MVB12B: variants seen among roughly 807,000 people sequenced by gnomAD.
MVB12B encodes ESCRT-I complex subunit MVB12B.
MVB12B carries 16 observed loss-of-function variants against 41.6 expected under a neutral mutation model. That is an observed-to-expected ratio of 0.38 (90% confidence interval 0.26 to 0.58). The LOEUF (loss-of-function observed/expected upper bound fraction) is 0.58, where lower values mean the gene tolerates loss of function less well. Ranked by LOEUF, MVB12B falls within the 20% of genes least tolerant of loss-of-function variation. The pLI is 0.62. For missense variants in MVB12B, 274 were observed against 380.2 expected, an observed-to-expected ratio of 0.72 and a Z score of 2.32; for synonymous variants, 133 against 139.7, an observed-to-expected ratio of 0.95 and a Z score of 0.34.
intron 9 of MVB12B, among the ~76,000 whole-genome samples, chr9:126,499,171 G>A (rs962665664): frequency 6.6e-6 from 1 of 152,176 alleles, no homozygotes; most frequent in Non-Finnish European, 1.5e-5. Context: ...ACCTCACTAT[G>A]AGAAAAGGCT....
At chr9:126,355,526 G>C (rs1829858373) in intron 2 of MVB12B, among the ~76,000 whole-genome samples, 1 of 152,096 alleles carries the variant, frequency 6.6e-6, no homozygotes, top group Non-Finnish European at 1.5e-5. Flanking sequence ...GCATTATGAG[G>C]GCGTTGCAAC....
rs770498895 is a variant in MVB12B, at chr9:126,329,500, C to G, written c.81+2490C>G. On this transcript the variant is annotated intron_variant, in intron 1 of 9. Coordinates refer to ENST00000361171, the MANE Select transcript of MVB12B (RefSeq NM_033446.3). ...TTGTACATGTTACAGAACCACGCCACCATGTGAGCACACTGCTGGATGCCC... is the reference window on the plus strand; with the variant it reads ...TTGTACATGTTACAGAACCACGCCAGCATGTGAGCACACTGCTGGATGCCC... 1.3e-5 allele frequency among the ~76,000 whole-genome samples: 2 copies of G among 152,204 alleles called. 1 individual carries two copies. Among genetic ancestry groups the G allele is most frequent in the Middle Eastern group, 6.3e-3 (2 of 316 alleles).
intron 7 of MVB12B, among the ~76,000 whole-genome samples, chr9:126,467,144 T>C (rs879871236): frequency 7.2e-5 from 11 of 152,190 alleles, no homozygotes; most frequent in Non-Finnish European, 1.3e-4. Flanking sequence ...GGAAATCAGA[T>C]TTGATTGAAG....
At chr9:126,477,298 C>T (rs777425076) in intron 7 of MVB12B, among the ~76,000 whole-genome samples, 1 of 152,178 alleles carries the variant, frequency 6.6e-6, no homozygotes, top group African/African-American at 2.4e-5. Context: ...CACCAGGTCT[C>T]GATCTCCAAC....
intron 9 of MVB12B, among the ~76,000 whole-genome samples, chr9:126,502,439 AGTGAGCCAGGGTCGGTTAG>A (rs1316052221): frequency 3.9e-5 from 6 of 152,178 alleles, no homozygotes; most frequent in African/African-American, 1.4e-4. Flanking sequence ...AACGCGATTT[AGTGAGCCAGGGTCGGTTAG>A]GTGAGCTGGG....
intron 6 of MVB12B, 26 bp from the exon 7 acceptor site, chr9:126,421,828 C>G (rs750690710): frequency 6.4e-7 from 1 of 1,574,800 alleles, no homozygotes. Flanking sequence ...TTGTAATCTC[C>G]TTTCTCTCGT....
chr9:126,380,938 G>A lies in MVB12B; in HGVS notation c.205-126G>A, dbSNP rs887249052. The A allele has an allele frequency of 5.9e-5, 39 of 659,448 alleles. 2 individuals are homozygous for A. Among genetic ancestry groups the A allele is most frequent in the Middle Eastern group, 7.5e-4 (2 of 2,670 alleles). 40.8% of individuals were successfully genotyped at this position (659,448 alleles called of 1,614,324 possible). A position where few individuals can be genotyped will look rare whatever the true frequency, so the allele number is the denominator to read the frequency against. ...CTCATCCCAGTGCCTAGTGAAATGA[G>A]CTAATGAGATGCCGGGAGATCCCAA... is the stretch of plus-strand genomic sequence containing the variant. On this transcript the variant is annotated intron_variant, in intron 2 of 9. Coordinates refer to ENST00000361171, the MANE Select transcript of MVB12B (RefSeq NM_033446.3).
chr9:126,386,797 C>A lies in MVB12B; in HGVS notation c.409+139C>A. 1 of 639,190 alleles carries A rather than the reference C, an allele frequency of 1.6e-6. No homozygotes were observed. The highest frequency in any genetic ancestry group is 1.8e-5 in the African/African-American group (1 of 55,116). The allele number at this position is 639,190 out of a possible 1,614,324, so 39.6% of individuals were successfully genotyped here. ...ACATGCCCATGAACAAACCCTGCTG[C>A]TTTTGATGTGTGTCTGGCTGGGTTC... is the stretch of plus-strand genomic sequence containing the variant. On this transcript the variant is annotated intron_variant, in intron 4 of 9. Transcript: ENST00000361171. This position sits in a 1 kb window ranked among gnomAD's most constrained non-coding sequence, Gnocchi z 4.3.
At chr9:126,471,904 A>G (rs1833321839) in intron 7 of MVB12B, among the ~76,000 whole-genome samples, 2 of 152,176 alleles carry the variant, frequency 1.3e-5, no homozygotes, top group South Asian at 4.1e-4. Flanking sequence ...AGGTACTATT[A>G]CCCGAGTTCA....
At chr9:126,433,001 G>T (rs1434708335) in intron 7 of MVB12B, among the ~76,000 whole-genome samples, 1 of 152,110 alleles carries the variant, frequency 6.6e-6, no homozygotes, top group Non-Finnish European at 1.5e-5. Flanking sequence ...GGCAATGCTG[G>T]ATCCAAAGGA....
chr9:126,351,778 G>A (rs1392403048), intron 2 of MVB12B, among the ~76,000 whole-genome samples: 6 of 152,108 alleles, frequency 3.9e-5, no homozygotes, highest in African/African-American at 1.2e-4. Flanking sequence ...TTGAGCCACC[G>A]TGCCTGGCCC....
intron 2 of MVB12B, among the ~76,000 whole-genome samples, chr9:126,359,443 T>A (rs912131010): frequency 1.3e-5 from 2 of 152,330 alleles, no homozygotes; most frequent in African/African-American, 4.8e-5. Flanking sequence ...GTTCCTTTCT[T>A]GCCTGTTTTC....
chr9:126,340,465 CTA>C lies in MVB12B; in HGVS notation c.82-41_82-40del, dbSNP rs1829413724. ...AGACTTTATATTATTCACATAAATG[CTA>C]TGTTTGAATTTTGTGTTTTCTTTTT... On this transcript the variant is annotated intron_variant, in intron 1 of 9. Transcript: ENST00000361171. The surrounding 1 kb of genome is among the most constrained non-coding windows in gnomAD (Gnocchi z 4.0). The C allele has an allele frequency of 6.2e-7, 1 of 1,608,012 alleles. No individual in the cohort carries two copies.
chr9:126,435,081 CT>C lies in MVB12B; in HGVS notation c.757+13144del, dbSNP rs113103765. 4.6e-3 allele frequency among the ~76,000 whole-genome samples: 669 copies of C among 146,062 alleles called. 3 individuals carry two copies. The highest frequency in any genetic ancestry group is 0.014 in the African/African-American group (548 of 39,764). ...TTTATATAACATTGCAGTCTGTTTT[CT>C]TTTTTTTTTTGTAATTTTGAATTAT... On this transcript the variant is annotated intron_variant, in intron 7 of 9. Coordinates refer to ENST00000361171, the MANE Select transcript of MVB12B (RefSeq NM_033446.3).
intron 7 of MVB12B, among the ~76,000 whole-genome samples, chr9:126,442,238 A>AT (rs1357020785): frequency 1.3e-5 from 2 of 152,170 alleles, no homozygotes; most frequent in African/African-American, 4.8e-5. Context: ...ACCTTTCTGA[A>AT]TTTTATCCGC....
At chr9:126,482,817 G>T (rs1833553346) in intron 8 of MVB12B, among the ~76,000 whole-genome samples, 1 of 152,244 alleles carries the variant, frequency 6.6e-6, no homozygotes, top group African/African-American at 2.4e-5. Context: ...CTCGGCCAGG[G>T]CTCCAAGGAC....
Position 126,326,967 on chromosome 9 carries a change from C to A in MVB12B, c.38C>A (p.Pro13Gln). The change falls in exon 1 of 10, where the codon CCG becomes CAG. Residue 13 changes from proline to glutamine, a missense_variant. Physicochemically the swap from Pro to Gln is moderately conservative, Grantham distance 76. Transcript: ENST00000361171. ...TTCTGCGTGAGACGGAGCCGGGACC[C>A]GCCGCCGCCGCAGCCACCGCCGCCG... ...SCFCVRRSRD[P>Q]PPPQPPPPPP... 3.9e-6 allele frequency: 1 copy of A among 256,018 alleles called. No individual in the cohort carries two copies. The highest frequency in any genetic ancestry group is 7.9e-6 in the Non-Finnish European group (1 of 126,612). The allele number at this position is 256,018 out of a possible 1,614,324, so 15.9% of individuals were successfully genotyped here.
chr9:126,446,147 A>AT (rs888507264), intron 7 of MVB12B, among the ~76,000 whole-genome samples: 14 of 150,130 alleles, frequency 9.3e-5, no homozygotes, highest in Middle Eastern at 3.2e-3. Context: ...TTTTCCAAAG[A>AT]TTTTTTTTTT....
chr9:126,421,808 G>A, intron 6 of MVB12B, 46 bp from the exon 7 acceptor site: 1 of 1,451,344 alleles, frequency 6.9e-7, no homozygotes, highest in Admixed American at 1.7e-5. Flanking sequence ...TGAGTCTTGG[G>A]GAATGCTCCT....
Sources: gnomAD v4.1 joint callset for allele counts (sites outside exome capture counted in the v4.1 genomes callset) on GRCh38, gnomAD v4.1.1 for gene constraint, Gnocchi (gnomAD v3.1) non-coding constraint, MANE v1.5 for transcripts, NCBI Gene and HGNC (gene_info 2026-07-23, HGNC 2026-07-21) for gene names.